FCRL3: variants seen among roughly 807,000 people sequenced by gnomAD.
FCRL3 encodes Fc receptor like 3.
Under a neutral mutation model 75.0 loss-of-function variants are expected in FCRL3, and 89 were observed. That is an observed-to-expected ratio of 1.19 (90% confidence interval 1.00 to 1.42). The LOEUF is 1.42. Among genes scored for constraint, FCRL3 ranks in the 40% most tolerant of loss-of-function variants. The pLI, the probability that FCRL3 is intolerant of heterozygous loss-of-function variation, is 0.00. For missense variants in FCRL3, 946 were observed against 880.0 expected, an observed-to-expected ratio of 1.07 and a Z score of -0.95; for synonymous variants, 376 against 348.5, an observed-to-expected ratio of 1.08 and a Z score of -0.88.
chr1:157,690,585 G>C, intron 8 of FCRL3, 52 bp from the exon 9 acceptor site: 1 of 1,592,984 alleles, frequency 6.3e-7, no homozygotes, highest in Non-Finnish European at 8.6e-7. Context: ...AGGTATACAA[G>C]AGAACTTAAT....
rs114856780 is a variant in FCRL3, at chr1:157,685,886, A to T, written c.1811-2642T>A. 2.7e-3 allele frequency among the ~76,000 whole-genome samples: 409 copies of T among 152,124 alleles called. 1 individual carries two copies. The highest frequency in any genetic ancestry group is 6.8e-3 in the Middle Eastern group (2 of 294). ...TAAAAATTAATGCATAAATAAAAAA[A>T]TTTTTTTTAATTAATGAAAAAGGGA... On this transcript the variant is annotated intron_variant, in intron 10 of 14. Coordinates refer to ENST00000368184, the MANE Select transcript of FCRL3 (RefSeq NM_052939.4).
chr1:157,681,328 G>T (rs542667240), intron 11 of FCRL3, among the ~76,000 whole-genome samples: 17 of 151,436 alleles, frequency 1.1e-4, no homozygotes, highest in African/African-American at 3.9e-4. Flanking sequence ...TGCCATGCTG[G>T]TGTCCTGCAC....
chr1:157,695,266 T>C (rs1655805847), intron 8 of FCRL3, 63 bp downstream of exon 8: 3 of 1,523,530 alleles, frequency 2.0e-6, no homozygotes, highest in Non-Finnish European at 2.7e-6. Flanking sequence ...CCAGTGGAGC[T>C]ATTTCTGAGA....
In FCRL3 at chr1:157,678,106, T is replaced by A; in HGVS notation, c.*604A>T. 1 of 986,010 alleles carries A rather than the reference T, an allele frequency of 1.0e-6. No individual in the cohort carries two copies. The highest frequency in any genetic ancestry group is 1.2e-6 in the Non-Finnish European group (1 of 830,398). The allele number at this position is 986,010 out of a possible 1,614,324, so 61.1% of individuals were successfully genotyped here. A position where few individuals can be genotyped will look rare whatever the true frequency, so the allele number is the denominator to read the frequency against. On this transcript the variant is annotated 3_prime_UTR_variant, in exon 15 of 15. Transcript: ENST00000368184. The stretch of plus-strand genomic sequence containing the variant: ...GTCACATATTAAACTAGCAGAGTCT[T>A]TAATGAAATGCTGAAGTTATTTTTC...
rs576044679 is a variant in FCRL3 at position 157,698,386 on chromosome 1, G to T, written c.296C>A (p.Pro99His). The T allele has an allele frequency of 1.2e-6, 2 of 1,614,154 alleles. No homozygotes were observed. Among genetic ancestry groups the T allele is most frequent in the Admixed American group, 1.7e-5 (1 of 60,026 alleles). Residue 99 changes from proline (P) to histidine (H), a missense_variant and splice_region_variant, in exon 4 of 15, where the codon CCT becomes CAT. Transcript: ENST00000368184. ...LSDAVHVEFSPDWLILQALHP... is the reference protein window; with the variant it reads ...LSDAVHVEFSHDWLILQALHP... ...GACACTCCCCTTCCATTCCTCACCA[G>T]GTGAAAATTCCACATGCACGGCATC...
Position 157,678,988 on chromosome 1 carries a change from T to C in FCRL3, c.2027-15A>G, listed in dbSNP as rs768739629. ...TGGACAATTAGCTGTTGGGTAGGAG[T>C]AGCAAAGAAAAGTATTAAACTGTGG... is the stretch of plus-strand genomic sequence containing the variant. On this transcript the variant is annotated splice_polypyrimidine_tract_variant and intron_variant, in intron 13 of 14. Coordinates refer to ENST00000368184, the MANE Select transcript of FCRL3 (RefSeq NM_052939.4). 34 of 1,613,826 alleles carry C rather than the reference T, an allele frequency of 2.1e-5. No homozygotes were observed. Among genetic ancestry groups the C allele is most frequent in the African/African-American group, 2.7e-5 (2 of 74,900 alleles).
chr1:157,682,197 T>C (rs1449818273), intron 11 of FCRL3, among the ~76,000 whole-genome samples: 2 of 152,256 alleles, frequency 1.3e-5, no homozygotes, highest in Non-Finnish European at 2.9e-5. Flanking sequence ...GTGGGTTGCC[T>C]GTTCACTCTG....
chr1:157,682,605 A>G (rs923557000), intron 11 of FCRL3, among the ~76,000 whole-genome samples: 9 of 152,244 alleles, frequency 5.9e-5, no homozygotes, highest in African/African-American at 1.9e-4. Flanking sequence ...TTGAAAGGCA[A>G]AAACTCATAT....
In FCRL3 at chr1:157,698,457, T is replaced by C. The variant is rs1455846705; in HGVS notation, c.225A>G (p.Thr75=). The change falls in exon 4 of 15, where the codon ACA becomes ACG. Residue 75 remains threonine, a synonymous_variant. Coordinates refer to ENST00000368184, the MANE Select transcript of FCRL3 (RefSeq NM_052939.4). The part of the protein sequence containing the change: ...LKIKHDKIQI[T]EPGNYQCKTR... ...TCTTACATTGGTAATTTCCAGGCTCTGTAATTTGGATCTTGTCATGTTTTA... is the reference window on the plus strand; with the variant it reads ...TCTTACATTGGTAATTTCCAGGCTCCGTAATTTGGATCTTGTCATGTTTTA... 1 of 1,614,238 alleles carries C rather than the reference T, an allele frequency of 6.2e-7. No homozygotes were observed. The highest frequency in any genetic ancestry group is 1.7e-5 in the Admixed American group (1 of 60,028).
In FCRL3 at chr1:157,677,726, A is replaced by T; in HGVS notation, c.*984T>A. ...TAGAAATACAACATGAAGAGAAAGT[A>T]CTAAAAAAAATTATCTACAACAATA... On this transcript the variant is annotated 3_prime_UTR_variant, in exon 15 of 15. Coordinates refer to ENST00000368184, the MANE Select transcript of FCRL3 (RefSeq NM_052939.4). The T allele has an allele frequency of 1.6e-6, 1 of 643,776 alleles. No homozygotes were observed. The highest frequency in any genetic ancestry group is 1.9e-6 in the Non-Finnish European group (1 of 518,276). The allele number at this position is 643,776 out of a possible 1,614,324, so 39.9% of individuals were successfully genotyped here.
intron 10 of FCRL3, among the ~76,000 whole-genome samples, chr1:157,684,763 A>C (rs189840549): frequency 4.6e-5 from 7 of 152,276 alleles, no homozygotes; most frequent in African/African-American, 1.4e-4. Context: ...CAAGTTGGCA[A>C]GTTTTGTTAC....
chr1:157,696,204 T>C lies in FCRL3; in HGVS notation c.968A>G (p.His323Arg), dbSNP rs367748106. ...CAGGCTTCTTACTCTTCCTTCTTTG[T>C]GCCAGGAGAATGTGACAGTCCCTGA... Reference protein sequence around the residue: ...QGSGTVTFSWHKEGRVRSLGR... With the variant: ...QGSGTVTFSWRKEGRVRSLGR... The change falls in exon 7 of 15, where the codon CAC (histidine) becomes CGC (arginine). Residue 323 changes from histidine to arginine, a missense_variant. His to Arg is a conservative substitution (Grantham distance 29). Transcript: ENST00000368184. 5.0e-6 allele frequency: 8 copies of C among 1,613,870 alleles called. No homozygotes were observed. Among genetic ancestry groups the C allele is most frequent in the Non-Finnish European group, 6.8e-6 (8 of 1,179,996 alleles).
intron 10 of FCRL3, among the ~76,000 whole-genome samples, chr1:157,683,861 TG>T (rs1226223032): frequency 6.6e-6 from 1 of 152,232 alleles, no homozygotes; most frequent in Non-Finnish European, 1.5e-5. Context: ...GCCAACAGGC[TG>T]GATTAAGTAA....
intron 8 of FCRL3, among the ~76,000 whole-genome samples, chr1:157,694,958 A>G (rs79565796): frequency 2.0e-5 from 3 of 152,154 alleles, no homozygotes; most frequent in Non-Finnish European, 2.9e-5. Flanking sequence ...GTGGCAAGGG[A>G]TGATCCAGTC....
In FCRL3 at chr1:157,677,906, G is replaced by C; in HGVS notation, c.*804C>G. 2.1e-6 allele frequency: 2 copies of C among 960,870 alleles called. No homozygotes were observed. Among genetic ancestry groups the C allele is most frequent in the Non-Finnish European group, 2.5e-6 (2 of 808,112 alleles). The allele number at this position is 960,870 out of a possible 1,614,324, so 59.5% of individuals were successfully genotyped here. A position where few individuals can be genotyped will look rare whatever the true frequency, so the allele number is the denominator to read the frequency against. On this transcript the variant is annotated 3_prime_UTR_variant, in exon 15 of 15. Coordinates refer to ENST00000368184, the MANE Select transcript of FCRL3 (RefSeq NM_052939.4). ...TGGAGTGAGGTAGAGGAAGAGAATG[G>C]GAGAAGCCACATAGATATAGTAGGT...
intron 6 of FCRL3, 91 bp downstream of exon 6, chr1:157,697,049 G>C (rs758341040): frequency 8.0e-7 from 1 of 1,247,288 alleles, no homozygotes; most frequent in Admixed American, 2.9e-5. Flanking sequence ...ACTCCTCTCT[G>C]TTATGTCCAC....
intron 10 of FCRL3, among the ~76,000 whole-genome samples, chr1:157,684,295 C>T (rs894696883): frequency 3.3e-5 from 5 of 152,154 alleles, no homozygotes; most frequent in Admixed American, 2.6e-4. Flanking sequence ...TGGCTCTAAT[C>T]GGTCTCATTG....
intron 13 of FCRL3, 35 bp downstream of exon 13, chr1:157,680,667 C>A (rs377640668): frequency 6.3e-6 from 10 of 1,584,776 alleles, no homozygotes; most frequent in Non-Finnish European, 7.8e-6. Context: ...TAAAACACTG[C>A]CACCTCACCT....
intron 9 of FCRL3, 137 bp downstream of exon 9, chr1:157,690,118 G>T: frequency 1.5e-6 from 2 of 1,326,932 alleles, no homozygotes; most frequent in Non-Finnish European, 1.0e-6. Context: ...TATAAAATCA[G>T]TACCAATCTC....
Sources: gnomAD v4.1 joint callset for allele counts (sites outside exome capture counted in the v4.1 genomes callset) on GRCh38, gnomAD v4.1.1 for gene constraint, MANE v1.5 for transcripts, NCBI Gene and HGNC (gene_info 2026-07-23, HGNC 2026-07-21) for gene names.